Variants in BACH2 observed in about 807,000 individuals in gnomAD.
BACH2 encodes transcription regulator protein BACH2.
A neutral mutation model predicts 61.8 loss-of-function variants in BACH2; 5 were observed. The observed-to-expected ratio is 0.08, with a 90% CI of 0.04 to 0.17. The LOEUF (loss-of-function observed/expected upper bound fraction) is 0.17. Among genes scored for constraint, BACH2 ranks in the 10% least tolerant of loss-of-function variants. The pLI is 1.00. For missense variants in BACH2, 824 were observed against 1,091.1 expected, an observed-to-expected ratio of 0.76 and a Z score of 3.45; for synonymous variants, 446 against 440.1, an observed-to-expected ratio of 1.01 and a Z score of -0.17.
chr6:90,270,134 A>G (rs190849308), intron 2 of BACH2, among the ~76,000 whole-genome samples: 52 of 152,244 alleles, frequency 3.4e-4, no homozygotes. Flanking sequence ...TCATTGGTTG[A>G]TGGGTATTTA....
At chr6:90,209,606 T>C (rs758268148) in intron 3 of BACH2, among the ~76,000 whole-genome samples, 2 of 152,150 alleles carry the variant, frequency 1.3e-5, no homozygotes, top group South Asian at 2.1e-4. Flanking sequence ...TATGTACACA[T>C]TGGTATCAAC....
chr6:89,969,984 G>T (rs932625927), intron 6 of BACH2, among the ~76,000 whole-genome samples: 15 of 152,060 alleles, frequency 9.9e-5, no homozygotes, highest in Non-Finnish European at 1.6e-4. Flanking sequence ...TTTTAGATCA[G>T]CTTGGAAAAA....
At position 90,035,548 on chromosome 6, in the gene BACH2, T is replaced by C. The variant is rs147476074; in HGVS notation, c.-12-26692A>G. Among the ~76,000 whole-genome samples the C allele has an allele frequency of 5.0e-3, 755 of 152,222 alleles. 5 individuals carry two copies. Among genetic ancestry groups the C allele is most frequent in the African/African-American group, 0.017 (726 of 41,558 alleles). ...TGTTCAACTAATATGGAGAAACAGA[T>C]GGAAAATTCACCGGGACTAAAATCT... On this transcript the variant is annotated intron_variant, in intron 5 of 8. Coordinates refer to ENST00000257749, the MANE Select transcript of BACH2 (RefSeq NM_021813.4).
At chr6:90,203,274 G>A (rs1406656232) in intron 4 of BACH2, among the ~76,000 whole-genome samples, 1 of 150,902 alleles carries the variant, frequency 6.6e-6, no homozygotes, top group Non-Finnish European at 1.5e-5. Flanking sequence ...AGCCAGGTAT[G>A]GTGGCACACA....
chr6:90,138,106 CCTCT>C (rs1324652165), intron 4 of BACH2, among the ~76,000 whole-genome samples: 1 of 150,170 alleles, frequency 6.7e-6, no homozygotes, highest in Non-Finnish European at 1.5e-5. Flanking sequence ...TCTCTCTCTC[CCTCT>C]CTGATATGTT....
chr6:89,943,892 C>T (rs964909934), intron 7 of BACH2, among the ~76,000 whole-genome samples: 5 of 152,192 alleles, frequency 3.3e-5, no homozygotes, highest in Non-Finnish European at 4.4e-5. Context: ...AAGTCTTTAA[C>T]GCCTGTACTC....
At chr6:90,037,544 G>A (rs978406173) in intron 5 of BACH2, among the ~76,000 whole-genome samples, 10 of 152,200 alleles carry the variant, frequency 6.6e-5, no homozygotes, top group Admixed American at 5.9e-4. Context: ...GGTGGAAACA[G>A]CATTGGATTA....
At chr6:90,058,821 A>G (rs1456739722) in intron 5 of BACH2, among the ~76,000 whole-genome samples, 1 of 152,236 alleles carries the variant, frequency 6.6e-6, no homozygotes, top group Non-Finnish European at 1.5e-5. Context: ...ATAATGCCGC[A>G]TATCTACAAC....
intron 6 of BACH2, among the ~76,000 whole-genome samples, chr6:89,985,484 A>T (rs983178595): frequency 1.3e-5 from 2 of 152,136 alleles, no homozygotes; most frequent in African/African-American, 4.8e-5. Context: ...AGATTCTCAC[A>T]TTAACAATGC....
chr6:90,107,204 T>C (rs1340483171), intron 4 of BACH2, among the ~76,000 whole-genome samples: 1 of 152,018 alleles, frequency 6.6e-6, no homozygotes, highest in Non-Finnish European at 1.5e-5. Context: ...AAACCCCGTC[T>C]CTACTAAAAA....
At chr6:90,065,299 T>TTTTTC (rs1491173989) in intron 5 of BACH2, among the ~76,000 whole-genome samples, 1 of 92,064 alleles carries the variant, frequency 1.1e-5, no homozygotes, top group Non-Finnish European at 2.6e-5. Context: ...TTTTTTTTTT[T>TTTTTC]ACCCCTGAGG....
intron 6 of BACH2, among the ~76,000 whole-genome samples, chr6:89,971,999 C>A (rs563065456): frequency 1.3e-5 from 2 of 152,222 alleles, no homozygotes; most frequent in South Asian, 4.2e-4. Context: ...TGAGCTGCAG[C>A]CTGAGGGAGG....
chr6:90,164,473 CTACCAGAGGTACAAGGAGGAGCTGG>C (rs1420154736), intron 4 of BACH2, among the ~76,000 whole-genome samples: 2 of 151,562 alleles, frequency 1.3e-5, no homozygotes, highest in African/African-American at 4.8e-5. Context: ...CAGCTGAATT[CTACCAGAGGTACAAGGAGGAGCTGG>C]TACCATTCCT....
intron 5 of BACH2, among the ~76,000 whole-genome samples, chr6:90,014,625 G>A (rs1221754865): frequency 1.3e-5 from 2 of 150,462 alleles, no homozygotes; most frequent in African/African-American, 4.9e-5. Context: ...ACAGGTGTGC[G>A]CTACCATGCC....
intron 4 of BACH2, among the ~76,000 whole-genome samples, chr6:90,110,572 C>T (rs966716870): frequency 2.6e-5 from 4 of 152,212 alleles, no homozygotes; most frequent in East Asian, 3.8e-4. Context: ...TCAAGCTCTA[C>T]AGTAGCAGCT....
intron 5 of BACH2, among the ~76,000 whole-genome samples, chr6:90,054,521 G>A (rs1162626752): frequency 6.6e-6 from 1 of 152,248 alleles, no homozygotes; most frequent in Non-Finnish European, 1.5e-5. Flanking sequence ...AGGCCTGCCT[G>A]CCTCTGTAGG....
chr6:90,037,588 T>C (rs1404182645), intron 5 of BACH2, among the ~76,000 whole-genome samples: 1 of 152,160 alleles, frequency 6.6e-6, no homozygotes, highest in Non-Finnish European at 1.5e-5. Context: ...AACAGCACGC[T>C]TCACATATCA....
At position 90,163,712 on chromosome 6, in the gene BACH2, G is replaced by A. The variant is rs567682033; in HGVS notation, c.-162+42857C>T. Among the ~76,000 whole-genome samples, 56 of 152,250 alleles carry A rather than the reference G, an allele frequency of 3.7e-4. 1 individual carries two copies. Among genetic ancestry groups the A allele is most frequent in the Non-Finnish European group, 5.9e-5 (4 of 68,030 alleles). On this transcript the variant is annotated intron_variant, in intron 4 of 8. Coordinates refer to ENST00000257749, the MANE Select transcript of BACH2 (RefSeq NM_021813.4). ...ATTCAGGATACTTTGGGAATGAGGC[G>A]TTCTATACAGCTTAGTTTCCCAGAG...
At chr6:90,056,948 G>A (rs1295782242) in intron 5 of BACH2, among the ~76,000 whole-genome samples, 1 of 152,188 alleles carries the variant, frequency 6.6e-6, no homozygotes, top group Non-Finnish European at 1.5e-5. Context: ...CAACATACCA[G>A]AATCGCTGGG....
Sources: gnomAD v4.1 joint callset for allele counts (sites outside exome capture counted in the v4.1 genomes callset) on GRCh38, gnomAD v4.1.1 for gene constraint, MANE v1.5 for transcripts, NCBI Gene and HGNC (gene_info 2026-07-23, HGNC 2026-07-21) for gene names.